The following MAST2 variants were observed in gnomAD, a reference collection of about 807,000 sequenced individuals.
The protein encoded by MAST2 is microtubule associated serine/threonine kinase 2.
Under a neutral mutation model 147.4 loss-of-function variants are expected in MAST2, and 70 were observed. That is an observed-to-expected ratio of 0.47 (90% CI 0.39 to 0.58). The LOEUF (loss-of-function observed/expected upper bound fraction) is 0.58. Among genes scored for constraint, MAST2 ranks in the 20% least tolerant of loss-of-function variants. The probability of loss-of-function intolerance (pLI) is 0.00; values close to 1 mark genes in which losing one functional copy is unlikely to be tolerated. For missense variants in MAST2, 2,080 were observed against 2,302.3 expected, an observed-to-expected ratio of 0.90 and a Z score of 1.98; for synonymous variants, 869 against 896.8, an observed-to-expected ratio of 0.97 and a Z score of 0.55.
At chr1:45,830,839 A>G (rs1252780882) in intron 3 of MAST2, among the ~76,000 whole-genome samples, 1 of 151,830 alleles carries the variant, frequency 6.6e-6, no homozygotes, top group Non-Finnish European at 1.5e-5. Flanking sequence ...CCTGGGCAAC[A>G]TAGTTGAGAC....
At chr1:45,842,506 C>T (rs1274876976) in intron 3 of MAST2, among the ~76,000 whole-genome samples, 1 of 152,124 alleles carries the variant, frequency 6.6e-6, no homozygotes, top group Non-Finnish European at 1.5e-5. Context: ...CATTTTGTCT[C>T]TATGGATTTC....
intron 4 of MAST2, among the ~76,000 whole-genome samples, chr1:45,907,139 G>A (rs1650896686): frequency 6.6e-6 from 1 of 152,004 alleles, no homozygotes. Context: ...TTTCTCAGAA[G>A]GTATCTCTGT....
At chr1:45,858,638 T>C (rs1645873105) in intron 3 of MAST2, among the ~76,000 whole-genome samples, 1 of 143,068 alleles carries the variant, frequency 7.0e-6, no homozygotes, top group Non-Finnish European at 1.5e-5. Context: ...TTTGTCAATT[T>C]TGGGTTTTGT....
rs55686305 is a variant in MAST2 at position 46,029,467 on chromosome 1, T to C, written c.2220T>C (p.Asp740=). Residue 740 remains aspartate (D), a splice_region_variant and synonymous_variant, in exon 19 of 29, where the codon GAT becomes GAC. Transcript: ENST00000361297. ...CCCTCTCACCCCTGATGACTTCAGA[T>C]GAGATTGTGTGGCCTGAGGGTGATG... ...PEELFGQVIS[D]EIVWPEGDEA... 3,121 of 1,607,506 alleles carry C rather than the reference T, an allele frequency of 1.9e-3. 8 individuals carry two copies. The highest frequency in any genetic ancestry group is 2.3e-3 in the Non-Finnish European group (2,724 of 1,174,296).
chr1:45,995,021 T>C (rs1645000964), intron 5 of MAST2, among the ~76,000 whole-genome samples: 1 of 151,948 alleles, frequency 6.6e-6, no homozygotes, highest in Non-Finnish European at 1.5e-5. Context: ...TTGTATTTTT[T>C]AGTAGAGACA....
At chr1:45,871,882 A>ATACC (rs1646407305) in intron 3 of MAST2, among the ~76,000 whole-genome samples, 1 of 152,154 alleles carries the variant, frequency 6.6e-6, no homozygotes, top group Non-Finnish European at 1.5e-5. Context: ...GTGGCAGAGA[A>ATACC]TACCTTTTTT....
intron 4 of MAST2, among the ~76,000 whole-genome samples, chr1:45,947,590 G>A (rs1308240586): frequency 6.6e-6 from 1 of 152,194 alleles, no homozygotes; most frequent in Non-Finnish European, 1.5e-5. Flanking sequence ...GAGTAGAAGT[G>A]CTAGCCAGAG....
At chr1:45,828,875 GAT>G (rs1644869771) in intron 2 of MAST2, among the ~76,000 whole-genome samples, 1 of 151,682 alleles carries the variant, frequency 6.6e-6, no homozygotes, top group East Asian at 1.9e-4. Context: ...AATGAGCTGA[GAT>G]CACACCACTG....
intron 3 of MAST2, among the ~76,000 whole-genome samples, chr1:45,844,776 G>A (rs767537243): frequency 6.6e-6 from 1 of 152,132 alleles, no homozygotes; most frequent in Non-Finnish European, 1.5e-5. Flanking sequence ...AGATAAATTT[G>A]TTGGTTGATT....
intron 3 of MAST2, among the ~76,000 whole-genome samples, chr1:45,854,673 C>T (rs1299087097): frequency 6.6e-6 from 1 of 152,158 alleles, no homozygotes; most frequent in East Asian, 1.9e-4. Flanking sequence ...CTCAAACTCA[C>T]CACAACACAG....
intron 4 of MAST2, among the ~76,000 whole-genome samples, chr1:45,922,342 C>T (rs1383563090): frequency 6.6e-6 from 1 of 152,196 alleles, no homozygotes; most frequent in African/African-American, 2.4e-5. Flanking sequence ...TTCTCTCCAC[C>T]CAGGAGCCTG....
intron 6 of MAST2, among the ~76,000 whole-genome samples, chr1:46,001,975 C>T (rs1645292619): frequency 6.6e-6 from 1 of 152,150 alleles, no homozygotes; most frequent in Admixed American, 6.5e-5. Flanking sequence ...AGGCTGTACC[C>T]TTAAGCTCTA....
intron 5 of MAST2, among the ~76,000 whole-genome samples, chr1:45,990,085 GTAAT>G (rs755957343): frequency 2.6e-5 from 4 of 152,288 alleles, no homozygotes; most frequent in South Asian, 2.1e-4. Flanking sequence ...ACCCAAGTAA[GTAAT>G]TATTTAGAGC....
At chr1:45,811,039 C>T (rs902728935) in intron 1 of MAST2, among the ~76,000 whole-genome samples, 23 of 151,316 alleles carry the variant, frequency 1.5e-4, no homozygotes, top group South Asian at 2.1e-4. Context: ...TTAGTAGAGA[C>T]GGAGTTTTTC....
chr1:45,948,479 G>A (rs555021037), intron 4 of MAST2, among the ~76,000 whole-genome samples: 13 of 152,108 alleles, frequency 8.5e-5, no homozygotes, highest in African/African-American at 1.2e-4. Flanking sequence ...AGGCCAAGGC[G>A]GGTGGATCAT....
chr1:45,966,965 CCCAGATT>C (rs1661318091), intron 5 of MAST2, among the ~76,000 whole-genome samples: 1 of 150,474 alleles, frequency 6.6e-6, no homozygotes, highest in East Asian at 2.0e-4. Flanking sequence ...CTCTTAGGCT[CCCAGATT>C]TTGGCTATTC....
chr1:46,023,326 C>T lies in MAST2; in HGVS notation c.1571+8C>T, dbSNP rs1571249518. ...CAGCAATGGCGCCTATGGGTAAAGG[C>T]AGGGGTCAGGGTGTGGCCAGGACTG... On this transcript the variant is annotated splice_region_variant and intron_variant, in intron 14 of 28. Coordinates refer to ENST00000361297, the MANE Select transcript of MAST2 (RefSeq NM_015112.3). The surrounding 1 kb of genome is among the most constrained non-coding windows in gnomAD (Gnocchi z 4.9). 6.2e-7 allele frequency: 1 copy of T among 1,613,272 alleles called. No individual in the cohort carries two copies. The highest frequency in any genetic ancestry group is 8.5e-7 in the Non-Finnish European group (1 of 1,179,410).
At chr1:45,884,106 T>C (rs1464220007) in intron 4 of MAST2, among the ~76,000 whole-genome samples, 3 of 152,072 alleles carry the variant, frequency 2.0e-5, no homozygotes, top group Middle Eastern at 3.4e-3. Context: ...GAATAATTTT[T>C]TGGTCATTTT....
At chr1:45,882,320 C>T in intron 3 of MAST2, 44 bp from the exon 4 acceptor site, 2 of 1,473,334 alleles carry the variant, frequency 1.4e-6, no homozygotes, top group Non-Finnish European at 1.9e-6. Flanking sequence ...CAACAGGACT[C>T]AGATGGGTTC....
Sources: allele counts gnomAD v4.1 joint callset (sites outside exome capture counted in the v4.1 genomes callset), GRCh38; gene constraint gnomAD v4.1.1; non-coding constraint Gnocchi (gnomAD v3.1); transcripts MANE v1.5; gene names NCBI Gene and HGNC (gene_info 2026-07-23, HGNC 2026-07-21).